ACOXL: variants seen among roughly 807,000 people sequenced by gnomAD.
ACOXL encodes acyl-coenzyme A oxidase-like protein.
A neutral mutation model predicts 71.9 loss-of-function variants in ACOXL; 70 were observed. The observed-to-expected ratio is 0.97, with a 90% CI of 0.80 to 1.19. The LOEUF (loss-of-function observed/expected upper bound fraction) is 1.19, where lower values mean the gene tolerates loss of function less well. Among genes scored for constraint, ACOXL ranks in the 50% most tolerant of loss-of-function variants. The pLI is 0.00. For missense variants in ACOXL, 703 were observed against 736.3 expected (o/e 0.95, Z 0.52); for synonymous variants, 253 against 281.6 (o/e 0.90, Z 1.02).
intron 14 of ACOXL, among the ~76,000 whole-genome samples, chr2:111,022,173 G>A (rs2064793727): frequency 6.6e-6 from 1 of 151,998 alleles, no homozygotes; most frequent in Non-Finnish European, 1.5e-5. Flanking sequence ...ACCAACACTG[G>A]CCAACATGGT....
chr2:110,859,242 G>A (rs149701361), intron 10 of ACOXL, among the ~76,000 whole-genome samples: 5 of 152,192 alleles, frequency 3.3e-5, no homozygotes, highest in East Asian at 1.9e-4. Flanking sequence ...TTGACCGGAC[G>A]CTGTGTAGTC....
At chr2:111,003,334 G>T (rs1248581977) in intron 14 of ACOXL, among the ~76,000 whole-genome samples, 1 of 151,746 alleles carries the variant, frequency 6.6e-6, no homozygotes, top group African/African-American at 2.4e-5. Flanking sequence ...TGGATCACGA[G>T]GTCAGGAATT....
chr2:110,850,924 T>C (rs1254797890), intron 10 of ACOXL, among the ~76,000 whole-genome samples: 6 of 152,194 alleles, frequency 3.9e-5, no homozygotes, highest in Admixed American at 3.9e-4. Flanking sequence ...GTCCTTCCAT[T>C]GGGAAGTGGG....
chr2:110,781,839 CG>C (rs1683379544), intron 2 of ACOXL, among the ~76,000 whole-genome samples: 1 of 151,870 alleles, frequency 6.6e-6, no homozygotes, highest in Non-Finnish European at 1.5e-5. Context: ...TGAATCATGG[CG>C]GTTTTAGTTG....
intron 14 of ACOXL, among the ~76,000 whole-genome samples, chr2:111,007,242 A>G (rs180885960): frequency 5.9e-5 from 9 of 152,298 alleles, no homozygotes; most frequent in Non-Finnish European, 1.5e-5. Flanking sequence ...CTGATATTTG[A>G]ATATGCAGAT....
At chr2:110,967,915 A>C in intron 12 of ACOXL, 2 of 1,027,564 alleles carry the variant, frequency 1.9e-6, no homozygotes. Flanking sequence ...AGAGGGTAAA[A>C]CTGGTTACTA....
chr2:110,905,025 G>A (rs2059389613), intron 10 of ACOXL, among the ~76,000 whole-genome samples: 1 of 152,078 alleles, frequency 6.6e-6, no homozygotes. Flanking sequence ...GTCCCTCCAG[G>A]GTCAGTAAAG....
intron 1 of ACOXL, among the ~76,000 whole-genome samples, chr2:110,767,590 A>G (rs961098111): frequency 6.6e-6 from 1 of 152,208 alleles, no homozygotes; most frequent in Non-Finnish European, 1.5e-5. Flanking sequence ...TGTAATTACC[A>G]TCACTCTGTT....
intron 10 of ACOXL, among the ~76,000 whole-genome samples, chr2:110,907,179 A>G (rs6720034): frequency 0.33 from 50,077 of 152,088 alleles, 8,435 homozygotes; most frequent in Middle Eastern, 0.39. Context: ...GATGGCTGAC[A>G]GCCGCCACCT....
At chr2:110,800,625 A>G (rs1339201013) in intron 7 of ACOXL, among the ~76,000 whole-genome samples, 1 of 152,018 alleles carries the variant, frequency 6.6e-6, no homozygotes, top group Non-Finnish European at 1.5e-5. Context: ...AAGCCAAGGA[A>G]GGGAGACTGG....
At chr2:111,101,706 A>G (rs1428547508) in intron 17 of ACOXL, among the ~76,000 whole-genome samples, 1 of 149,842 alleles carries the variant, frequency 6.7e-6, no homozygotes, top group Non-Finnish European at 1.5e-5. Flanking sequence ...CACCCCACCC[A>G]CCCCATCCAG....
intron 10 of ACOXL, among the ~76,000 whole-genome samples, chr2:110,862,353 C>A (rs1180645703): frequency 1.3e-5 from 2 of 152,190 alleles, no homozygotes; most frequent in Non-Finnish European, 2.9e-5. Flanking sequence ...CAGTGGTTCA[C>A]ACCTGTAATC....
intron 12 of ACOXL, among the ~76,000 whole-genome samples, chr2:110,975,993 G>A (rs2062426222): frequency 6.6e-6 from 1 of 152,072 alleles, no homozygotes; most frequent in Non-Finnish European, 1.5e-5. Context: ...ATACAGAGAG[G>A]CAGTCAAATG....
Position 110,933,500 on chromosome 2 carries a change from C to A in ACOXL, c.917C>A (p.Ala306Asp). ...GCTTTGTCCTGCAGGTATGCTGGGG[C>A]CCTCCTGGATGAGGATGTCTTCCAG... ...ALTFVSRYAG[A>D]LLDEDVFQGK... Residue 306 changes from alanine to aspartate, a missense_variant, in exon 12 of 18, where the codon GCC becomes GAC. Transcript: ENST00000439055. 1.2e-6 allele frequency: 2 copies of A among 1,613,890 alleles called. No individual in the cohort carries two copies. Among genetic ancestry groups the A allele is most frequent in the Admixed American group, 1.7e-5 (1 of 59,992 alleles).
chr2:110,841,047 G>A (rs1691111069), intron 9 of ACOXL, among the ~76,000 whole-genome samples: 1 of 152,160 alleles, frequency 6.6e-6, no homozygotes, highest in African/African-American at 2.4e-5. Flanking sequence ...TCAGCTACAT[G>A]CTGCAATCCC....
intron 16 of ACOXL, among the ~76,000 whole-genome samples, chr2:111,072,063 G>A (rs2067368193): frequency 1.3e-5 from 2 of 152,192 alleles, no homozygotes; most frequent in African/African-American, 4.8e-5. Flanking sequence ...GGAGATCCTT[G>A]GACAAGGTTT....
chr2:110,830,281 A>C (rs564897875), intron 9 of ACOXL, among the ~76,000 whole-genome samples: 4 of 152,220 alleles, frequency 2.6e-5, no homozygotes, highest in Non-Finnish European at 5.9e-5. Context: ...ACTTCTCTCT[A>C]TGTAATTATA....
In ACOXL at chr2:110,945,765, G is replaced by A. The variant is rs372462705; in HGVS notation, c.1059+12123G>A. ...CTGTAGCCTTGTAGTATCATTTGAAGTTAAATAATGTGATGCCTTCAGCTT... is the reference window on the plus strand; with the variant it reads ...CTGTAGCCTTGTAGTATCATTTGAAATTAAATAATGTGATGCCTTCAGCTT... On this transcript the variant is annotated intron_variant, in intron 12 of 17. Transcript: ENST00000439055. Among the ~76,000 whole-genome samples the A allele has an allele frequency of 9.6e-4, 146 of 152,154 alleles. 1 individual carries two copies. The South Asian group carries it at 0.022, about 23-fold the overall frequency.
At chr2:110,887,000 A>G in intron 10 of ACOXL, 1 of 960,244 alleles carries the variant, frequency 1.0e-6, no homozygotes, top group Non-Finnish European at 1.5e-6. Context: ...GTTGTGTGGC[A>G]AGATGTCTGC....
Sources: gnomAD v4.1 joint callset for allele counts (sites outside exome capture counted in the v4.1 genomes callset) on GRCh38, gnomAD v4.1.1 for gene constraint, MANE v1.5 for transcripts, NCBI Gene and HGNC (gene_info 2026-07-23, HGNC 2026-07-21) for gene names.